ADAMTS2: variants seen among roughly 807,000 people sequenced by gnomAD.
ADAMTS2 encodes the protein A disintegrin and metalloproteinase with thrombospondin motifs 2.
In ADAMTS2, 50 loss-of-function variants were observed where a neutral mutation model predicts 123.0. The ratio of observed to expected loss-of-function variants is 0.41; its 90% CI spans 0.32 to 0.51. The LOEUF is 0.51. Among genes scored for constraint, ADAMTS2 ranks in the 20% least tolerant of loss-of-function variants. The pLI is 0.35. For missense variants in ADAMTS2, 1,494 were observed against 1,705.2 expected, an observed-to-expected ratio of 0.88 and a Z score of 2.18; for synonymous variants, 678 against 695.4, an observed-to-expected ratio of 0.98 and a Z score of 0.39.
At chr5:179,231,631 A>G (rs1765414125) in intron 3 of ADAMTS2, among the ~76,000 whole-genome samples, 1 of 152,200 alleles carries the variant, frequency 6.6e-6, no homozygotes, top group Non-Finnish European at 1.5e-5. Context: ...AAAGCTTAAC[A>G]AGTAATTAAA....
intron 5 of ADAMTS2, among the ~76,000 whole-genome samples, chr5:179,163,863 C>G (rs866602336): frequency 3.3e-5 from 5 of 152,102 alleles, no homozygotes; most frequent in Admixed American, 2.0e-4. Context: ...CTAAAGGGGT[C>G]TATGACCCCC....
In ADAMTS2 at chr5:179,139,917, AACTTCACGCCCGTGCC is replaced by A. The variant is rs1412022027; in HGVS notation, c.1732_1747del (p.Gly578SerfsTer88). On this transcript the variant is annotated frameshift_variant, in exon 11 of 22. Transcript: ENST00000251582. LOFTEE classifies it high-confidence loss of function. ...TGGGTTGTCACACTGGCGGGTCCTG[AACTTCACGCCCGTGCC>A]ACAGGTACGTGAGCAGGAGCCAAAC... is the stretch of plus-strand genomic sequence containing the variant. 1.9e-6 allele frequency: 3 copies of A among 1,611,924 alleles called. No homozygotes were observed. The highest frequency in any genetic ancestry group is 8.5e-7 in the Non-Finnish European group (1 of 1,179,948).
At chr5:179,336,624 A>C (rs1757620248) in intron 2 of ADAMTS2, among the ~76,000 whole-genome samples, 1 of 152,034 alleles carries the variant, frequency 6.6e-6, no homozygotes, top group South Asian at 2.1e-4. Context: ...GGCACCTTAG[A>C]GCTAATGATA....
rs1391224297 is a variant in ADAMTS2, at chr5:179,234,540, C to G, written c.689-26825G>C. Among the ~76,000 whole-genome samples, 3 of 152,030 alleles carry G rather than the reference C, an allele frequency of 2.0e-5. No homozygotes were observed. The highest frequency in any genetic ancestry group is 2.1e-4 in the South Asian group (1 of 4,798). On this transcript the variant is annotated intron_variant, in intron 3 of 21. Transcript: ENST00000251582. The surrounding 1 kb of genome is among the most constrained non-coding windows in gnomAD (Gnocchi z 4.7). Reference sequence around the variant, plus strand: ...CCCGACCCACCTCCAGCCTGCACCTCCCCAGGCTCCAGACCCCGCCCCCTG... The same window carrying G: ...CCCGACCCACCTCCAGCCTGCACCTGCCCAGGCTCCAGACCCCGCCCCCTG...
At chr5:179,309,953 C>T (rs1038169740) in intron 2 of ADAMTS2, among the ~76,000 whole-genome samples, 12 of 151,400 alleles carry the variant, frequency 7.9e-5, no homozygotes, top group Non-Finnish European at 1.6e-4. Flanking sequence ...TCCTGTCCTC[C>T]CTGCCCCACC....
Position 179,320,973 on chromosome 5 carries a change from A to G in ADAMTS2, c.534+22794T>C, listed in dbSNP as rs112321838. On this transcript the variant is annotated intron_variant, in intron 2 of 21. Coordinates refer to ENST00000251582, the MANE Select transcript of ADAMTS2 (RefSeq NM_014244.5). ...CAAAGCCAAGGGTTGGGGATGTGGG[A>G]AAAAAAACAACTGAAAATTTATTTG... Among the ~76,000 whole-genome samples, 305 of 152,088 alleles carry G rather than the reference A, an allele frequency of 2.0e-3. 2 individuals are homozygous for G. The highest frequency in any genetic ancestry group is 7.1e-3 in the African/African-American group (293 of 41,474).
Position 179,158,978 on chromosome 5 carries a change from G to T in ADAMTS2, c.976-99C>A. ...AGTGTTGACAGACCCCATCCACTGG[G>T]AATCTGTTCCAGGTGGTACAAAGGC... On this transcript the variant is annotated intron_variant, in intron 5 of 21. Coordinates refer to ENST00000251582, the MANE Select transcript of ADAMTS2 (RefSeq NM_014244.5). This position sits in a 1 kb window ranked among gnomAD's most constrained non-coding sequence, Gnocchi z 5.0. The T allele has an allele frequency of 6.8e-7, 1 of 1,472,596 alleles. No homozygotes were observed. The highest frequency in any genetic ancestry group is 9.2e-7 in the Non-Finnish European group (1 of 1,085,076). 91.2% of individuals were successfully genotyped at this position (1,472,596 alleles called of 1,614,324 possible).
chr5:179,320,043 C>T (rs531649066), intron 2 of ADAMTS2, among the ~76,000 whole-genome samples: 1 of 152,368 alleles, frequency 6.6e-6, no homozygotes, highest in East Asian at 1.9e-4. Context: ...TCAACCTCCC[C>T]AGCCTTCTGT....
intron 2 of ADAMTS2, among the ~76,000 whole-genome samples, chr5:179,297,012 A>C (rs1435232249): frequency 1.3e-5 from 2 of 152,184 alleles, no homozygotes; most frequent in Admixed American, 6.5e-5. Flanking sequence ...ACTCAGAGCA[A>C]GTACTAAATG....
At chr5:179,230,426 C>T (rs996538351) in intron 3 of ADAMTS2, among the ~76,000 whole-genome samples, 5 of 152,102 alleles carry the variant, frequency 3.3e-5, no homozygotes, top group Admixed American at 2.6e-4. Context: ...CGCTCCAGGG[C>T]CTGCTTCTGC....
chr5:179,182,883 C>A (rs982649984), intron 4 of ADAMTS2, among the ~76,000 whole-genome samples: 3 of 152,108 alleles, frequency 2.0e-5, no homozygotes, highest in Non-Finnish European at 2.9e-5. Flanking sequence ...TGACCCATCT[C>A]GCCCCTGTGG....
chr5:179,334,558 G>A (rs1345666195), intron 2 of ADAMTS2, among the ~76,000 whole-genome samples: 6 of 152,354 alleles, frequency 3.9e-5, no homozygotes, highest in East Asian at 1.9e-4. Flanking sequence ...GGGCGTTGCC[G>A]TTAAAGCCAG....
rs778860752 is a variant in ADAMTS2, at chr5:179,344,100, C to G, written c.201G>C (p.Gln67His). The change falls in exon 2 of 22, where the codon CAG (glutamine) becomes CAC (histidine). Residue 67 changes from glutamine to histidine, a missense_variant. Gln to His is a conservative substitution (Grantham distance 24, BLOSUM62 0). Around this residue, in one of 6 missense-constraint regions of ADAMTS2, gnomAD observed 237 missense variants for 233.7 expected, o/e 1.01. Coordinates refer to ENST00000251582, the MANE Select transcript of ADAMTS2 (RefSeq NM_014244.5). ...ACACCACGTGGGACACCAAGCGGCC[C>G]TGGGCGTCAGTGCGCACGGGCACCG... ...ILAVPVRTDAQGRLVSHVVSA... is the reference protein window; with the variant it reads ...ILAVPVRTDAHGRLVSHVVSA... 1 of 1,609,616 alleles carries G rather than the reference C, an allele frequency of 6.2e-7. No homozygotes were observed.
At position 179,317,356 on chromosome 5, in the gene ADAMTS2, C is replaced by A. The variant is rs183924727; in HGVS notation, c.534+26411G>T. 6.6e-6 allele frequency among the ~76,000 whole-genome samples: 1 copy of A among 152,308 alleles called. No individual in the cohort carries two copies. Among genetic ancestry groups the A allele is most frequent in the African/African-American group, 2.4e-5 (1 of 41,562 alleles). Reference sequence around the variant, plus strand: ...CACAATATCACACATCTCATCCAAGCCTGCTCGGACGCTGCCCTTCTGACC... The same window carrying A: ...CACAATATCACACATCTCATCCAAGACTGCTCGGACGCTGCCCTTCTGACC... On this transcript the variant is annotated intron_variant, in intron 2 of 21. Transcript: ENST00000251582. The surrounding 1 kb of genome is among the most constrained non-coding windows in gnomAD (Gnocchi z 4.9).
At chr5:179,254,605 G>A (rs1047448059) in intron 3 of ADAMTS2, among the ~76,000 whole-genome samples, 3 of 151,290 alleles carry the variant, frequency 2.0e-5, no homozygotes, top group Admixed American at 2.0e-4. Context: ...GGTGAAGTCG[G>A]GGGGGCGTGC....
intron 3 of ADAMTS2, among the ~76,000 whole-genome samples, chr5:179,267,580 C>T (rs948291805): frequency 3.3e-5 from 5 of 152,248 alleles, no homozygotes; most frequent in Non-Finnish European, 7.3e-5. Flanking sequence ...TGTCCCAAGG[C>T]CAGGCCGGGG....
chr5:179,214,734 G>A (rs1263189912), intron 3 of ADAMTS2, among the ~76,000 whole-genome samples: 1 of 152,148 alleles, frequency 6.6e-6, no homozygotes, highest in African/African-American at 2.4e-5. Context: ...CTCAGTAAAT[G>A]AAGCTACATG....
chr5:179,187,205 T>C (rs530860446), intron 4 of ADAMTS2, among the ~76,000 whole-genome samples: 9 of 152,236 alleles, frequency 5.9e-5, no homozygotes, highest in East Asian at 1.9e-4. Flanking sequence ...TCCTAAAAAA[T>C]ATATCTCAAA....
At chr5:179,268,991 G>C (rs992559741) in intron 3 of ADAMTS2, among the ~76,000 whole-genome samples, 18 of 152,212 alleles carry the variant, frequency 1.2e-4, no homozygotes, top group African/African-American at 4.3e-4. Flanking sequence ...AGATGTGCTT[G>C]CAGTAAGGCT....
Sources: allele counts gnomAD v4.1 joint callset (sites outside exome capture counted in the v4.1 genomes callset), GRCh38; gene constraint gnomAD v4.1.1; regional missense constraint gnomAD v4.1.1; non-coding constraint Gnocchi (gnomAD v3.1); transcripts MANE v1.5; gene names NCBI Gene and HGNC (gene_info 2026-07-23, HGNC 2026-07-21).